The following PRKG1 variants were observed in gnomAD, a reference collection of about 807,000 sequenced individuals.
PRKG1 encodes protein kinase cGMP-dependent 1, also known as cGMP-dependent protein kinase 1.
Under a neutral mutation model 88.1 loss-of-function variants are expected in PRKG1, and 35 were observed. The observed-to-expected ratio is 0.40, with a 90% CI of 0.30 to 0.53. The LOEUF is 0.53. Among genes scored for constraint, PRKG1 ranks in the 20% least tolerant of loss-of-function variants. The probability of loss-of-function intolerance (pLI) is 0.59; values close to 1 mark genes in which losing one functional copy is unlikely to be tolerated. For synonymous variants in PRKG1, 303 were observed against 292.5 expected (o/e 1.04, Z -0.37); for missense variants, 540 against 839.8 (o/e 0.64, Z 4.41).
At chr10:51,660,798 T>TA (rs1840279357) in intron 3 of PRKG1, among the ~76,000 whole-genome samples, 1 of 152,024 alleles carries the variant, frequency 6.6e-6, no homozygotes, top group Non-Finnish European at 1.5e-5. Flanking sequence ...TGCCAGTGGG[T>TA]AAAAAGGGTT....
intron 1 of PRKG1, among the ~76,000 whole-genome samples, chr10:51,136,963 G>A (rs181070648): frequency 3.6e-4 from 54 of 151,852 alleles, no homozygotes; most frequent in African/African-American, 1.1e-3. Context: ...GTGCAGTGGC[G>A]CCATCTTGCC....
intron 3 of PRKG1, among the ~76,000 whole-genome samples, chr10:51,708,670 CT>C (rs1362423305): frequency 2.0e-5 from 3 of 152,118 alleles, no homozygotes; most frequent in Non-Finnish European, 2.9e-5. Flanking sequence ...CAGCTTTATT[CT>C]GGTGTGTATC....
chr10:51,236,071 C>G (rs1838980214), intron 2 of PRKG1, among the ~76,000 whole-genome samples: 1 of 152,162 alleles, frequency 6.6e-6, no homozygotes, highest in African/African-American at 2.4e-5. Context: ...CCAGATGGTA[C>G]TGATGCTCTT....
chr10:52,118,286 C>T lies in PRKG1; in HGVS notation c.936-15554C>T, dbSNP rs1018324173. On this transcript the variant is annotated intron_variant, in intron 7 of 17. Coordinates refer to ENST00000373980, the MANE Select transcript of PRKG1 (RefSeq NM_006258.4). Reference sequence around the variant, plus strand: ...TCATGTCTTTTTCTTACTTTTTAATCGGGGTATTCTTTATATTATTATCAC... The same window carrying T: ...TCATGTCTTTTTCTTACTTTTTAATTGGGGTATTCTTTATATTATTATCAC... Among the ~76,000 whole-genome samples the T allele has an allele frequency of 7.2e-5, 11 of 151,902 alleles. No individual in the cohort carries two copies. In the South Asian group the frequency reaches 8.3e-4, roughly 11 times the overall value.
chr10:51,850,230 G>A (rs969284515), intron 4 of PRKG1, among the ~76,000 whole-genome samples: 1 of 152,168 alleles, frequency 6.6e-6, no homozygotes, highest in Admixed American at 6.6e-5. Flanking sequence ...AGGTGGGAGT[G>A]CAATAGCACG....
intron 3 of PRKG1, among the ~76,000 whole-genome samples, chr10:51,469,809 A>G (rs1840001606): frequency 6.6e-6 from 1 of 151,918 alleles, no homozygotes; most frequent in South Asian, 2.1e-4. Flanking sequence ...CTTAAGATAT[A>G]AAAGTTGTGT....
intron 3 of PRKG1, chr10:51,697,468 G>C (rs1350483326): frequency 1.8e-6 from 1 of 545,076 alleles, no homozygotes; most frequent in Non-Finnish European, 3.2e-6. Flanking sequence ...ATCATGTTCA[G>C]AGTTATTTTA....
At chr10:52,187,832 A>G (rs531125082) in intron 9 of PRKG1, among the ~76,000 whole-genome samples, 4 of 152,300 alleles carry the variant, frequency 2.6e-5, no homozygotes, top group African/African-American at 9.6e-5. Context: ...GTCAGCTGAT[A>G]AGGTATTGTC....
intron 3 of PRKG1, among the ~76,000 whole-genome samples, chr10:51,541,625 G>A (rs1406523281): frequency 1.3e-5 from 2 of 152,004 alleles, no homozygotes; most frequent in Non-Finnish European, 1.5e-5. Context: ...CTTAGTTTAA[G>A]ATTTTGATAT....
At chr10:51,638,506 C>G (rs533700104) in intron 3 of PRKG1, among the ~76,000 whole-genome samples, 1 of 152,286 alleles carries the variant, frequency 6.6e-6, no homozygotes, top group East Asian at 1.9e-4. Context: ...CAAATCATTG[C>G]TGTGCCAAAT....
At chr10:51,074,949 G>C in intron 1 of PRKG1, 48 bp downstream of exon 1, 1 of 1,524,630 alleles carries the variant, frequency 6.6e-7, no homozygotes, top group Non-Finnish European at 8.8e-7. Flanking sequence ...TGGCGATGGG[G>C]AGCTGCGGGT....
At chr10:52,133,098 A>G (rs1350375105) in intron 7 of PRKG1, among the ~76,000 whole-genome samples, 2 of 152,116 alleles carry the variant, frequency 1.3e-5, no homozygotes, top group Non-Finnish European at 2.9e-5. Context: ...TACTGATACT[A>G]TTAATTTTTA....
chr10:51,804,752 ATGCAGCACCCTGAATTTCAGGGTGCTTTT>A, intron 4 of PRKG1, 62 bp downstream of exon 4: 1 of 1,169,498 alleles, frequency 8.6e-7, no homozygotes, highest in Non-Finnish European at 1.3e-6. Context: ...ATTATCTGAA[ATGCAGCACCCTGAATTTCAGGGTGCTTTT>A]TGCCTTTCTC....
At chr10:51,098,678 C>A (rs1323336634) in intron 1 of PRKG1, among the ~76,000 whole-genome samples, 3 of 152,164 alleles carry the variant, frequency 2.0e-5, no homozygotes, top group Non-Finnish European at 4.4e-5. Context: ...CCAACAGACC[C>A]TTAAACTCTC....
chr10:51,698,523 G>A, intron 3 of PRKG1: 1 of 1,614,176 alleles, frequency 6.2e-7, no homozygotes, highest in Non-Finnish European at 8.5e-7. Context: ...GTGACTGAAA[G>A]CAAAGTCCCT....
chr10:51,257,166 GTT>G (rs35730040), intron 2 of PRKG1, among the ~76,000 whole-genome samples: 1,863 of 138,716 alleles, frequency 0.013, 33 homozygotes, highest in African/African-American at 0.044. Flanking sequence ...TCAGAGAAGG[GTT>G]TTTTTTTTTT....
intron 1 of PRKG1, among the ~76,000 whole-genome samples, chr10:51,122,780 A>G (rs1025335414): frequency 6.6e-6 from 1 of 152,230 alleles, no homozygotes; most frequent in African/African-American, 2.4e-5. Context: ...CAATAATGTC[A>G]TAAACCACCT....
Position 51,277,186 on chromosome 10 carries a change from C to A in PRKG1, c.478+123856C>A, listed in dbSNP as rs188843410. ...GTTTCAGCTTTCTGTATATGGGTAG[C>A]CAGTTTTCCCAGTACCATTTATTAA... On this transcript the variant is annotated intron_variant, in intron 2 of 17. Coordinates refer to ENST00000373980, the MANE Select transcript of PRKG1 (RefSeq NM_006258.4). 1.3e-3 allele frequency among the ~76,000 whole-genome samples: 193 copies of A among 152,252 alleles called. 2 individuals carry two copies. The highest frequency in any genetic ancestry group is 0.011 in the Admixed American group (164 of 15,302).
chr10:52,010,733 C>T (rs4317937), intron 5 of PRKG1, among the ~76,000 whole-genome samples: 67,746 of 151,996 alleles, frequency 0.45, 15,423 homozygotes, highest in East Asian at 0.65. Context: ...GAAAATGTTG[C>T]GAATTCCTAT....
Sources: gnomAD v4.1 joint callset for allele counts (sites outside exome capture counted in the v4.1 genomes callset) on GRCh38, gnomAD v4.1.1 for gene constraint, MANE v1.5 for transcripts, NCBI Gene and HGNC (gene_info 2026-07-23, HGNC 2026-07-21) for gene names.